Variants in ST6GALNAC3 observed in about 807,000 individuals in gnomAD.
ST6GALNAC3 encodes alpha-N-acetylgalactosaminide alpha-2,6-sialyltransferase 3.
A neutral mutation model predicts 32.7 loss-of-function variants in ST6GALNAC3; 25 were observed. The observed-to-expected ratio is 0.76, with a 90% CI of 0.56 to 1.07. The LOEUF is 1.07. Among genes scored for constraint, ST6GALNAC3 ranks in the 50% least tolerant of loss-of-function variants. ST6GALNAC3 has a pLI of 0.00. For synonymous variants in ST6GALNAC3, 129 were observed against 133.1 expected (o/e 0.97, Z 0.21); for missense variants, 355 against 382.4 (o/e 0.93, Z 0.60).
intron 3 of ST6GALNAC3, among the ~76,000 whole-genome samples, chr1:76,516,232 C>CT (rs760351485): frequency 9.9e-5 from 15 of 152,046 alleles, no homozygotes; most frequent in Non-Finnish European, 1.9e-4. Context: ...ATGTCAAATT[C>CT]TTTGAGTTAT....
intron 1 of ST6GALNAC3, among the ~76,000 whole-genome samples, chr1:76,289,749 AC>A (rs1055354679): frequency 2.6e-5 from 4 of 152,232 alleles, no homozygotes; most frequent in African/African-American, 9.6e-5. Context: ...GGTTTAATCA[AC>A]AGGCTTTTTA....
At chr1:76,127,712 G>T (rs915240616) in intron 1 of ST6GALNAC3, among the ~76,000 whole-genome samples, 3 of 152,130 alleles carry the variant, frequency 2.0e-5, no homozygotes, top group African/African-American at 7.2e-5. Flanking sequence ...TGTCAGCAAT[G>T]TCTGTCTTCT....
chr1:76,078,644 A>G (rs990894626), intron 1 of ST6GALNAC3, among the ~76,000 whole-genome samples: 1 of 152,176 alleles, frequency 6.6e-6, no homozygotes, highest in Non-Finnish European at 1.5e-5. Flanking sequence ...GATAATCTGT[A>G]TATTAGTTAT....
chr1:76,417,734 C>T (rs1371949478), intron 3 of ST6GALNAC3, among the ~76,000 whole-genome samples: 1 of 152,058 alleles, frequency 6.6e-6, no homozygotes, highest in Non-Finnish European at 1.5e-5. Context: ...GCGATAGTCC[C>T]CATTAAAAGA....
At chr1:76,225,628 G>A (rs1236367158) in intron 1 of ST6GALNAC3, among the ~76,000 whole-genome samples, 1 of 152,164 alleles carries the variant, frequency 6.6e-6, no homozygotes. Flanking sequence ...TATTTAGAGA[G>A]CCTAGGTAAT....
intron 1 of ST6GALNAC3, among the ~76,000 whole-genome samples, chr1:76,218,536 A>G (rs1226083815): frequency 6.6e-6 from 1 of 152,240 alleles, no homozygotes; most frequent in Non-Finnish European, 1.5e-5. Context: ...ACATGTGCAT[A>G]TACAATTTTA....
At chr1:76,162,264 C>T (rs1467738639) in intron 1 of ST6GALNAC3, among the ~76,000 whole-genome samples, 1 of 152,168 alleles carries the variant, frequency 6.6e-6, no homozygotes, top group East Asian at 1.9e-4. Flanking sequence ...AGCCTAGTCC[C>T]TGGCATATGG....
At position 76,467,000 on chromosome 1, in the gene ST6GALNAC3, G is replaced by A. The variant is rs1007788302; in HGVS notation, c.623+54583G>A. Among the ~76,000 whole-genome samples the A allele has an allele frequency of 3.9e-5, 6 of 151,914 alleles. No individual in the cohort carries two copies. In the East Asian group the frequency reaches 5.8e-4, roughly 15 times the overall value. On this transcript the variant is annotated intron_variant, in intron 3 of 4. Coordinates refer to ENST00000328299, the MANE Select transcript of ST6GALNAC3 (RefSeq NM_152996.4). ...TATTAATGAAAAGATGTTTTTATTCGCACTTTCCTTAAGATGTTTTAGTTG... is the reference window on the plus strand; with the variant it reads ...TATTAATGAAAAGATGTTTTTATTCACACTTTCCTTAAGATGTTTTAGTTG...
chr1:76,340,488 G>A (rs1647870928), intron 2 of ST6GALNAC3, among the ~76,000 whole-genome samples: 1 of 152,136 alleles, frequency 6.6e-6, no homozygotes, highest in Admixed American at 6.5e-5. Flanking sequence ...TACAAAGAGA[G>A]AAATCATCAA....
intron 3 of ST6GALNAC3, among the ~76,000 whole-genome samples, chr1:76,611,983 A>C (rs1647966801): frequency 6.6e-6 from 1 of 152,238 alleles, no homozygotes; most frequent in Admixed American, 6.5e-5. Flanking sequence ...AACACCTCAC[A>C]GGGAAATACA....
At chr1:76,357,132 T>TTC (rs1649535931) in intron 2 of ST6GALNAC3, among the ~76,000 whole-genome samples, 3 of 137,314 alleles carry the variant, frequency 2.2e-5, no homozygotes, top group African/African-American at 8.4e-5. Context: ...TTCTTTTTCT[T>TTC]TTTTTTTTTT....
chr1:76,519,162 T>A (rs1366765774), intron 3 of ST6GALNAC3, among the ~76,000 whole-genome samples: 1 of 152,180 alleles, frequency 6.6e-6, no homozygotes, highest in East Asian at 1.9e-4. Flanking sequence ...CATCTTTTTT[T>A]AGATTTTTTT....
At chr1:76,363,038 G>C (rs1051833722) in intron 2 of ST6GALNAC3, among the ~76,000 whole-genome samples, 2 of 152,222 alleles carry the variant, frequency 1.3e-5, no homozygotes, top group Non-Finnish European at 2.9e-5. Flanking sequence ...TTCTCCATGA[G>C]GGATCTGCTC....
At chr1:76,441,519 TG>T in intron 3 of ST6GALNAC3, among the ~76,000 whole-genome samples, 1 of 152,326 alleles carries the variant, frequency 6.6e-6, no homozygotes, top group South Asian at 2.1e-4. Flanking sequence ...TACATATTTA[TG>T]GGGTACATGA....
At chr1:76,143,728 G>A (rs1029416044) in intron 1 of ST6GALNAC3, among the ~76,000 whole-genome samples, 2 of 151,992 alleles carry the variant, frequency 1.3e-5, no homozygotes, top group Admixed American at 1.3e-4. Flanking sequence ...TAGCAGTGTC[G>A]CACCAAGCAG....
intron 2 of ST6GALNAC3, among the ~76,000 whole-genome samples, chr1:76,352,497 C>CTTTTTTTTT (rs397706056): frequency 8.6e-6 from 1 of 116,232 alleles, no homozygotes; most frequent in Non-Finnish European, 1.8e-5. Context: ...TTTTGGTTTC[C>CTTTTTTTTT]TTTTTTTTTT....
chr1:76,464,481 C>A (rs958647524), intron 3 of ST6GALNAC3, among the ~76,000 whole-genome samples: 3 of 152,042 alleles, frequency 2.0e-5, no homozygotes, highest in African/African-American at 7.2e-5. Context: ...GGTAGGTATC[C>A]CGGGAGGAAT....
At chr1:76,131,122 G>A (rs2100865429) in intron 1 of ST6GALNAC3, among the ~76,000 whole-genome samples, 1 of 152,262 alleles carries the variant, frequency 6.6e-6, no homozygotes, top group Middle Eastern at 3.4e-3. Context: ...GGAGAGCCAG[G>A]GGCTGTAACT....
chr1:76,341,649 CT>C (rs1002152905), intron 2 of ST6GALNAC3, among the ~76,000 whole-genome samples: 15 of 143,170 alleles, frequency 1.0e-4, no homozygotes, highest in African/African-American at 4.0e-4. Context: ...TTCTTTCTTT[CT>C]TTCTTTCTTT....
Sources: gnomAD v4.1 joint callset for allele counts (sites outside exome capture counted in the v4.1 genomes callset) on GRCh38, gnomAD v4.1.1 for gene constraint, MANE v1.5 for transcripts, NCBI Gene and HGNC (gene_info 2026-07-23, HGNC 2026-07-21) for gene names.